S100Z: variants seen among roughly 807,000 people sequenced by gnomAD.
S100Z encodes protein S100-Z.
A neutral mutation model predicts 8.5 loss-of-function variants in S100Z; 11 were observed. That is an observed-to-expected ratio of 1.30 (90% confidence interval 0.82 to 2.15). S100Z has a LOEUF of 2.15. S100Z is among the 30% of genes most tolerant of loss of function. S100Z has a pLI of 0.00. For synonymous variants in S100Z, 34 were observed against 43.8 expected, an observed-to-expected ratio of 0.78 and a Z score of 0.89; for missense variants, 126 against 117.9, an observed-to-expected ratio of 1.07 and a Z score of -0.32.
chr5:76,926,250 G>C (rs78395566), downstream of S100Z, among the ~76,000 whole-genome samples: 1,639 of 152,262 alleles, frequency 0.011, 28 homozygotes, highest in African/African-American at 0.036. Context: ...GATGAACTTA[G>C]AGTTGGTGAT....
At chr5:76,912,400 A>G (rs912491630) in intron 4 of S100Z, among the ~76,000 whole-genome samples, 3 of 152,102 alleles carry the variant, frequency 2.0e-5, no homozygotes, top group African/African-American at 7.2e-5. Flanking sequence ...ACCTTAACCT[A>G]TATACCAATG....
chr5:76,942,285 T>G, the S100Z span, among the ~76,000 whole-genome samples: 1 of 151,986 alleles, frequency 6.6e-6, no homozygotes, highest in African/African-American at 2.4e-5. Flanking sequence ...CTAATTTTTG[T>G]ATTTTTAGTA....
At chr5:76,942,542 A>G in the S100Z span, among the ~76,000 whole-genome samples, 1 of 152,106 alleles carries the variant, frequency 6.6e-6, no homozygotes, top group Non-Finnish European at 1.5e-5. Flanking sequence ...TAGAAATGTT[A>G]AAATGTCAGC....
intron 4 of S100Z, among the ~76,000 whole-genome samples, chr5:76,892,601 T>G (rs1375786712): frequency 6.6e-6 from 1 of 151,942 alleles, no homozygotes; most frequent in Non-Finnish European, 1.5e-5. Context: ...AAAGAGGGTT[T>G]GGGGACTTCC....
At chr5:76,902,742 C>T (rs1255100211) in intron 4 of S100Z, among the ~76,000 whole-genome samples, 2 of 151,780 alleles carry the variant, frequency 1.3e-5, no homozygotes, top group African/African-American at 4.8e-5. Flanking sequence ...TTGGTCTGCC[C>T]CCCACCATTT....
At chr5:76,861,122 C>G (rs1313639653) in intron 1 of S100Z, among the ~76,000 whole-genome samples, 1 of 152,174 alleles carries the variant, frequency 6.6e-6, no homozygotes, top group Non-Finnish European at 1.5e-5. Context: ...TTTTGATTCT[C>G]ACAAGGTTGT....
chr5:76,914,584 C>CACTA (rs915917659), intron 4 of S100Z, among the ~76,000 whole-genome samples: 15 of 152,116 alleles, frequency 9.9e-5, no homozygotes, highest in African/African-American at 3.6e-4. Flanking sequence ...TTTGGGTCCG[C>CACTA]ACTAACTTCA....
At chr5:76,903,429 A>T (rs905755889) in intron 4 of S100Z, among the ~76,000 whole-genome samples, 2 of 152,138 alleles carry the variant, frequency 1.3e-5, no homozygotes, top group African/African-American at 4.8e-5. Context: ...CTTTCACTGC[A>T]TGGATGTACC....
the S100Z span, among the ~76,000 whole-genome samples, chr5:76,939,114 T>C: frequency 6.6e-6 from 1 of 151,884 alleles, no homozygotes; most frequent in South Asian, 2.1e-4. Context: ...ATGTCTAAGA[T>C]GTAAATAAAA....
chr5:76,927,942 G>C, the S100Z span, among the ~76,000 whole-genome samples: 1 of 152,188 alleles, frequency 6.6e-6, no homozygotes, highest in Non-Finnish European at 1.5e-5. Context: ...CTGACTCTAA[G>C]CCCATCTGTG....
At chr5:76,884,959 A>T (rs866325673) in intron 4 of S100Z, among the ~76,000 whole-genome samples, 6 of 152,146 alleles carry the variant, frequency 3.9e-5, no homozygotes, top group African/African-American at 1.4e-4. Flanking sequence ...GAGACTAGGG[A>T]GGAACCAATG....
chr5:76,864,386 A>ATTTTTTTTTTTT lies in S100Z; in HGVS notation c.-175-5758_-175-5747dup, dbSNP rs56206322. Among the ~76,000 whole-genome samples the ATTTTTTTTTTTT allele has an allele frequency of 8.3e-5, 6 of 72,174 alleles. 1 individual carries two copies. The highest frequency in any genetic ancestry group is 1.5e-4 in the Non-Finnish European group (6 of 39,278). The allele number at this position is 72,174 out of a possible 152,430, so 47.3% of individuals were successfully genotyped here. ...TATGTTACTGCTTAATGCATACTATATTTTTTTTTTTTTTTTTTTTTTTTT... is the reference window on the plus strand; with the variant it reads ...TATGTTACTGCTTAATGCATACTATATTTTTTTTTTTTTTTTTTTTTTTTTTTTTTTTTTTTT... On this transcript the variant is annotated intron_variant, in intron 1 of 4. Coordinates refer to ENST00000317593, the MANE Select transcript of S100Z (RefSeq NM_130772.4).
chr5:76,887,482 C>G (rs552967827), intron 4 of S100Z, among the ~76,000 whole-genome samples: 3 of 149,542 alleles, frequency 2.0e-5, no homozygotes, highest in African/African-American at 7.4e-5. Context: ...TCACTGCAAC[C>G]TCCACCTCCC....
At chr5:76,865,651 AGT>A (rs771892220) in intron 1 of S100Z, among the ~76,000 whole-genome samples, 2 of 152,176 alleles carry the variant, frequency 1.3e-5, no homozygotes, top group East Asian at 3.9e-4. Context: ...ACAGCTGTAC[AGT>A]GTGAGTTTCA....
intron 4 of S100Z, among the ~76,000 whole-genome samples, chr5:76,911,380 G>C (rs58476956): frequency 0.024 from 3,681 of 152,208 alleles, 168 homozygotes; most frequent in African/African-American, 0.083. Context: ...CCTATAGCCT[G>C]CTCTCCCAAA....
In S100Z at chr5:76,875,415, A is replaced by G; in HGVS notation, c.56A>G (p.Tyr19Cys). The change falls in exon 3 of 5, where the codon TAT becomes TGT. Residue 19 changes from tyrosine (Y) to cysteine (C), a missense_variant. Physicochemically the swap from Tyr to Cys is radical, Grantham distance 194. Coordinates refer to ENST00000317593, the MANE Select transcript of S100Z (RefSeq NM_130772.4). ...MDTMIRIFHR[Y>C]SGKERKRFKL... ...ACCATGATTAGAATCTTCCACCGCTATTCTGGCAAGGAAAGGAAGAGATTC... is the reference window on the plus strand; with the variant it reads ...ACCATGATTAGAATCTTCCACCGCTGTTCTGGCAAGGAAAGGAAGAGATTC... 6.2e-7 allele frequency: 1 copy of G among 1,613,296 alleles called. No homozygotes were observed. The highest frequency in any genetic ancestry group is 8.5e-7 in the Non-Finnish European group (1 of 1,179,682).
intron 4 of S100Z, among the ~76,000 whole-genome samples, chr5:76,896,169 C>T (rs960412366): frequency 6.6e-5 from 10 of 152,094 alleles, no homozygotes; most frequent in African/African-American, 9.7e-5. Flanking sequence ...TCATCCCCAC[C>T]GTCCTCCCCA....
At chr5:76,852,303 T>G (rs1750754121) in intron 1 of S100Z, among the ~76,000 whole-genome samples, 1 of 152,198 alleles carries the variant, frequency 6.6e-6, no homozygotes, top group Admixed American at 6.5e-5. Context: ...ATATTTTTTT[T>G]TTCTTAGTCT....
At chr5:76,893,161 A>G (rs1415920893) in intron 4 of S100Z, among the ~76,000 whole-genome samples, 1 of 152,140 alleles carries the variant, frequency 6.6e-6, no homozygotes, top group Non-Finnish European at 1.5e-5. Flanking sequence ...TGTCTACTAT[A>G]TAATATTAAC....
Sources: allele counts gnomAD v4.1 joint callset (sites outside exome capture counted in the v4.1 genomes callset), GRCh38; gene constraint gnomAD v4.1.1; transcripts MANE v1.5; gene names NCBI Gene and HGNC (gene_info 2026-07-23, HGNC 2026-07-21).